SLC14A1: variants seen among roughly 807,000 people sequenced by gnomAD.
SLC14A1 encodes solute carrier family 14 member 1 (Kidd blood group).
Under a neutral mutation model 39.6 loss-of-function variants are expected in SLC14A1, and 36 were observed. That is an observed-to-expected ratio of 0.91 (90% CI 0.70 to 1.20). The LOEUF (loss-of-function observed/expected upper bound fraction) is 1.20. SLC14A1 is among the 50% of genes most tolerant of loss of function. The probability of loss-of-function intolerance (pLI) is 0.00; values close to 1 mark genes in which losing one functional copy is unlikely to be tolerated. For synonymous variants in SLC14A1, 164 were observed against 173.6 expected (o/e 0.94, Z 0.43); for missense variants, 469 against 478.7 (o/e 0.98, Z 0.19).
At chr18:45,726,028 ATTTC>A (rs1219708056) in intron 2 of SLC14A1, among the ~76,000 whole-genome samples, 2 of 151,980 alleles carry the variant, frequency 1.3e-5, no homozygotes, top group South Asian at 2.1e-4. Context: ...ATTGTTTCTT[ATTTC>A]TTTGTTTTTA....
chr18:45,746,597 GC>G (rs1555649621), intron 8 of SLC14A1, among the ~76,000 whole-genome samples: 2 of 152,292 alleles, frequency 1.3e-5, no homozygotes, highest in Non-Finnish European at 1.5e-5. Flanking sequence ...GGGACAGAGG[GC>G]CCCAGTGCTT....
At chr18:45,743,201 T>C (rs78763696) in intron 8 of SLC14A1, among the ~76,000 whole-genome samples, 2,788 of 152,346 alleles carry the variant, frequency 0.018, 93 homozygotes, top group African/African-American at 0.063. Flanking sequence ...TTTGCCCCCT[T>C]CTTATAAGGA....
intron 8 of SLC14A1, among the ~76,000 whole-genome samples, chr18:45,740,862 A>T (rs1185812702): frequency 6.6e-6 from 1 of 152,156 alleles, no homozygotes. Flanking sequence ...ACAAGTTCTC[A>T]GGGGGTGCTG....
rs192944772 is a variant in SLC14A1, at chr18:45,730,575, A to G, written c.151+104A>G. 10 of 1,267,010 alleles carry G rather than the reference A, an allele frequency of 7.9e-6. No homozygotes were observed. In the African/African-American group the frequency reaches 1.0e-4, roughly 13 times the overall value. 78.5% of individuals were successfully genotyped at this position (1,267,010 alleles called of 1,614,324 possible). On this transcript the variant is annotated intron_variant, in intron 3 of 9. Transcript: ENST00000321925. ...CTTTAGTTATATTCTCCAACTTTTT[A>G]TAGATCTCTTTACTCACCATTTTTC...
intron 2 of SLC14A1, chr18:45,727,529 G>A: frequency 4.7e-6 from 6 of 1,278,302 alleles, no homozygotes; most frequent in South Asian, 1.6e-5. Flanking sequence ...TGTGAGCTAA[G>A]CCAAAGGCAC....
intron 8 of SLC14A1, among the ~76,000 whole-genome samples, chr18:45,742,257 G>T (rs1180346914): frequency 2.6e-5 from 4 of 152,086 alleles, no homozygotes; most frequent in African/African-American, 9.7e-5. Context: ...GACAGCCTGA[G>T]CATGTCCTTC....
chr18:45,739,011 CAAAG>C, intron 6 of SLC14A1, 148 bp from the exon 7 acceptor site: 1 of 869,500 alleles, frequency 1.2e-6, no homozygotes, highest in South Asian at 1.4e-5. Flanking sequence ...TTTCTGTAAT[CAAAG>C]AGAGAGAATT....
rs142797754 is a variant in SLC14A1, at chr18:45,727,493, G to A, written c.-22+2480G>A. 129 of 1,454,496 alleles carry A rather than the reference G, an allele frequency of 8.9e-5. No individual in the cohort carries two copies. The African/African-American group carries it at 1.6e-3, about 18-fold the overall frequency. The allele number at this position is 1,454,496 out of a possible 1,614,324, so 90.1% of individuals were successfully genotyped here. A position where few individuals can be genotyped will look rare whatever the true frequency, so the allele number is the denominator to read the frequency against. ...CCAAACTCTGGTGTATCTTTTCCGGGCAGAGCCTGGGAAGTGGGGGTTGGC... is the reference window on the plus strand; with the variant it reads ...CCAAACTCTGGTGTATCTTTTCCGGACAGAGCCTGGGAAGTGGGGGTTGGC... On this transcript the variant is annotated intron_variant, in intron 2 of 9. Coordinates refer to ENST00000321925, the MANE Select transcript of SLC14A1 (RefSeq NM_015865.7).
chr18:45,748,267 TA>T, intron 8 of SLC14A1, 108 bp from the exon 9 acceptor site: 1 of 1,167,044 alleles, frequency 8.6e-7, no homozygotes, highest in Non-Finnish European at 1.3e-6. Context: ...CTCATGCTTG[TA>T]ATCAGGGCAC....
chr18:45,735,773 C>T (rs2047176556), intron 5 of SLC14A1, among the ~76,000 whole-genome samples: 1 of 152,212 alleles, frequency 6.6e-6, no homozygotes, highest in African/African-American at 2.4e-5. Flanking sequence ...CTCCCTTCCA[C>T]AATCCAGGAA....
intron 8 of SLC14A1, among the ~76,000 whole-genome samples, chr18:45,741,307 C>G (rs757449708): frequency 2.0e-5 from 3 of 152,102 alleles, no homozygotes; most frequent in Non-Finnish European, 4.4e-5. Flanking sequence ...AGATAATATT[C>G]TAGAGTGGAG....
intron 5 of SLC14A1, 114 bp downstream of exon 5, chr18:45,734,516 C>G: frequency 9.2e-7 from 1 of 1,091,924 alleles, no homozygotes; most frequent in Non-Finnish European, 1.4e-6. Flanking sequence ...AATATGTTCT[C>G]TGAATGTATA....
chr18:45,751,937 T>C lies in SLC14A1; in HGVS notation c.*1986T>C, dbSNP rs1165246399. ...TCCACTTCTAGTTTGCAGTGCTCAG[T>C]GCACAATATACATTTTGCTGAATGA... On this transcript the variant is annotated 3_prime_UTR_variant, in exon 10 of 10. Transcript: ENST00000321925. 5 of 985,384 alleles carry C rather than the reference T, an allele frequency of 5.1e-6. No homozygotes were observed. Among genetic ancestry groups the C allele is most frequent in the Non-Finnish European group, 6.0e-6 (5 of 829,906 alleles). The allele number at this position is 985,384 out of a possible 1,614,324, so 61.0% of individuals were successfully genotyped here. A position where few individuals can be genotyped will look rare whatever the true frequency, so the allele number is the denominator to read the frequency against.
intron 2 of SLC14A1, chr18:45,727,051 A>C (rs1162637779): frequency 7.7e-6 from 4 of 520,694 alleles, no homozygotes; most frequent in Non-Finnish European, 1.4e-5. Flanking sequence ...TTCCATAGTC[A>C]GCTGCTGTCT....
intron 8 of SLC14A1, among the ~76,000 whole-genome samples, chr18:45,747,590 G>A (rs2047582798): frequency 3.3e-5 from 5 of 152,114 alleles, no homozygotes; most frequent in Admixed American, 2.6e-4. Context: ...AGCTACTCGG[G>A]AGGCTGAGGC....
In SLC14A1 at chr18:45,751,816, A is replaced by G. The variant is rs1215150134; in HGVS notation, c.*1865A>G. ...AATTAATTAATTAATTAATTAATTT[A>G]AAAAGGAAGTCATGTTCATTTACTT... On this transcript the variant is annotated 3_prime_UTR_variant, in exon 10 of 10. Coordinates refer to ENST00000321925, the MANE Select transcript of SLC14A1 (RefSeq NM_015865.7). 2.1e-6 allele frequency: 2 copies of G among 953,506 alleles called. No homozygotes were observed. Among genetic ancestry groups the G allele is most frequent in the Non-Finnish European group, 2.5e-6 (2 of 801,088 alleles). 59.1% of individuals were successfully genotyped at this position (953,506 alleles called of 1,614,324 possible). A position where few individuals can be genotyped will look rare whatever the true frequency, so the allele number is the denominator to read the frequency against.
chr18:45,735,807 G>A (rs1156880427), intron 5 of SLC14A1, among the ~76,000 whole-genome samples: 1 of 152,338 alleles, frequency 6.6e-6, no homozygotes, highest in East Asian at 1.9e-4. Context: ...GTCTTTAAGT[G>A]ATGGCTCTTT....
intron 8 of SLC14A1, among the ~76,000 whole-genome samples, chr18:45,746,020 C>T (rs1568047345): frequency 6.6e-6 from 1 of 152,218 alleles, no homozygotes; most frequent in Non-Finnish European, 1.5e-5. Context: ...AGGAAGTGGA[C>T]TCAGGAAACT....
At chr18:45,735,641 G>C (rs1184503272) in intron 5 of SLC14A1, among the ~76,000 whole-genome samples, 1 of 152,184 alleles carries the variant, frequency 6.6e-6, no homozygotes, top group Non-Finnish European at 1.5e-5. Flanking sequence ...CACCCTTACT[G>C]TACCCACGGG....
Sources: gnomAD v4.1 joint callset for allele counts (sites outside exome capture counted in the v4.1 genomes callset) on GRCh38, gnomAD v4.1.1 for gene constraint, MANE v1.5 for transcripts, NCBI Gene and HGNC (gene_info 2026-07-23, HGNC 2026-07-21) for gene names.